PTPN14: variants seen among roughly 807,000 people sequenced by gnomAD.
PTPN14 encodes tyrosine-protein phosphatase non-receptor type 14.
PTPN14 carries 53 observed loss-of-function variants against 126.8 expected under a neutral mutation model. The observed-to-expected ratio is 0.42, with a 90% confidence interval of 0.34 to 0.53. PTPN14 has a LOEUF of 0.53. Ranked by LOEUF, PTPN14 falls within the 20% of genes least tolerant of loss-of-function variation. The probability of loss-of-function intolerance (pLI) is 0.08; values close to 1 mark genes in which losing one functional copy is unlikely to be tolerated. For synonymous variants in PTPN14, 630 were observed against 599.3 expected, an observed-to-expected ratio of 1.05 and a Z score of -0.75; for missense variants, 1,257 against 1,552.9, an observed-to-expected ratio of 0.81 and a Z score of 3.20.
chr1:214,513,142 A>G (rs1655017993), intron 1 of PTPN14, among the ~76,000 whole-genome samples: 1 of 152,226 alleles, frequency 6.6e-6, no homozygotes, highest in Admixed American at 6.5e-5. Context: ...GATAGGAAGC[A>G]GCAGAAAAAC....
rs1360439401 is a variant in PTPN14 at position 214,433,746 on chromosome 1, A to G, written c.344+18059T>C. Among the ~76,000 whole-genome samples the G allele has an allele frequency of 2.0e-5, 3 of 152,096 alleles. No individual in the cohort carries two copies. In the East Asian group the frequency reaches 5.8e-4, roughly 29 times the overall value. On this transcript the variant is annotated intron_variant, in intron 3 of 18. Transcript: ENST00000366956. ...GACTGTCTTCTGTCAGCAAGAAATC[A>G]AGAATAAAATGTGGGTAAATGGTAC...
chr1:214,364,575 C>G lies in PTPN14; in HGVS notation c.3372G>C (p.Gly1124=). ...HPPIVVHCSA[G]VGRTGVLILS... ...GAATGAGCACGCCGGTCCTTCCCAC[C>G]CCAGCACTACAGTGGACCACGATGG... Residue 1124 remains glycine, a synonymous_variant, in exon 18 of 19, where the codon GGG becomes GGC. Coordinates refer to ENST00000366956, the MANE Select transcript of PTPN14 (RefSeq NM_005401.5). This position sits in a 1 kb window ranked among gnomAD's most constrained non-coding sequence, Gnocchi z 4.1. The G allele has an allele frequency of 6.2e-7, 1 of 1,614,054 alleles. No homozygotes were observed. Among genetic ancestry groups the G allele is most frequent in the South Asian group, 1.1e-5 (1 of 91,064 alleles).
chr1:214,376,985 T>G (rs191939059), intron 14 of PTPN14, among the ~76,000 whole-genome samples: 22 of 152,350 alleles, frequency 1.4e-4, no homozygotes, highest in Admixed American at 7.8e-4. Context: ...TATTAGTACT[T>G]TATTACATTT....
intron 3 of PTPN14, among the ~76,000 whole-genome samples, chr1:214,448,111 C>T (rs1660185656): frequency 6.6e-6 from 1 of 152,176 alleles, no homozygotes; most frequent in Non-Finnish European, 1.5e-5. Flanking sequence ...CATTGACAGT[C>T]AAACAATGCA....
At chr1:214,523,742 C>CCCT (rs913375402) in intron 1 of PTPN14, among the ~76,000 whole-genome samples, 1 of 152,112 alleles carries the variant, frequency 6.6e-6, no homozygotes, top group Non-Finnish European at 1.5e-5. Context: ...GGCCTGGAGT[C>CCCT]CCTCCTCCTC....
At chr1:214,540,195 G>A (rs1655802805) in intron 1 of PTPN14, among the ~76,000 whole-genome samples, 1 of 152,052 alleles carries the variant, frequency 6.6e-6, no homozygotes, top group African/African-American at 2.4e-5. Context: ...TAAACACACA[G>A]GGAGTCTAAA....
intron 12 of PTPN14, among the ~76,000 whole-genome samples, chr1:214,386,579 A>C (rs1658615595): frequency 6.6e-6 from 1 of 152,178 alleles, no homozygotes; most frequent in East Asian, 1.9e-4. Context: ...CTCTTCTCTA[A>C]GCTCCCTTAG....
chr1:214,369,769 G>T, intron 16 of PTPN14, 78 bp from the exon 17 acceptor site: 2 of 1,319,584 alleles, frequency 1.5e-6, no homozygotes, highest in Non-Finnish European at 2.2e-6. Flanking sequence ...TATGAAGACA[G>T]AAGAAAATGC....
At chr1:214,505,633 C>T (rs184509658) in intron 1 of PTPN14, among the ~76,000 whole-genome samples, 19 of 152,336 alleles carry the variant, frequency 1.2e-4, no homozygotes, top group African/African-American at 2.4e-4. Flanking sequence ...CAGTGTCTCA[C>T]GCCTGTAACC....
At chr1:214,532,817 T>C in intron 1 of PTPN14, 1 of 902,276 alleles carries the variant, frequency 1.1e-6, no homozygotes. Flanking sequence ...CTGCTCTTCA[T>C]GAAGAACCAC....
chr1:214,540,800 T>C (rs999221202), intron 1 of PTPN14, among the ~76,000 whole-genome samples: 1 of 152,176 alleles, frequency 6.6e-6, no homozygotes. Flanking sequence ...GAGTATCTAA[T>C]ACAAATCATG....
chr1:214,476,924 C>G (rs1467599314), intron 1 of PTPN14, among the ~76,000 whole-genome samples: 3 of 152,136 alleles, frequency 2.0e-5, no homozygotes, highest in African/African-American at 7.2e-5. Context: ...CTGCAGGAAA[C>G]CCAAGGAAAC....
intron 3 of PTPN14, among the ~76,000 whole-genome samples, chr1:214,423,840 G>A (rs1445520048): frequency 2.0e-5 from 3 of 152,012 alleles, no homozygotes; most frequent in Admixed American, 6.6e-5. Flanking sequence ...AATTAGCCAG[G>A]CATGGTGGCT....
At chr1:214,469,921 A>G (rs1660716235) in intron 1 of PTPN14, among the ~76,000 whole-genome samples, 1 of 151,788 alleles carries the variant, frequency 6.6e-6, no homozygotes, top group African/African-American at 2.4e-5. Context: ...AAAAATAAAC[A>G]GAAATAAGTT....
intron 1 of PTPN14, among the ~76,000 whole-genome samples, chr1:214,542,965 GA>G (rs1362260295): frequency 1.3e-5 from 2 of 152,124 alleles, no homozygotes; most frequent in African/African-American, 4.8e-5. Flanking sequence ...CCAAGCTTGT[GA>G]TTTGGGGGGG....
intron 3 of PTPN14, among the ~76,000 whole-genome samples, chr1:214,441,015 G>A (rs1053030091): frequency 6.6e-6 from 1 of 152,106 alleles, no homozygotes; most frequent in South Asian, 2.1e-4. Context: ...GACTTTTTAT[G>A]GAACTAAACT....
intron 13 of PTPN14, among the ~76,000 whole-genome samples, chr1:214,379,108 T>A (rs1273701834): frequency 6.6e-6 from 1 of 152,168 alleles, no homozygotes; most frequent in African/African-American, 2.4e-5. Context: ...ATTAAGTGTG[T>A]CTTTGAAGTT....
intron 1 of PTPN14, among the ~76,000 whole-genome samples, chr1:214,510,980 C>G: frequency 6.6e-6 from 1 of 152,100 alleles, no homozygotes. Flanking sequence ...TGGGCTCAAG[C>G]AAGTCTCCCA....
At chr1:214,414,801 C>T in intron 3 of PTPN14, 75 bp from the exon 4 acceptor site, 1 of 1,202,828 alleles carries the variant, frequency 8.3e-7, no homozygotes, top group Non-Finnish European at 1.2e-6. Flanking sequence ...ACAGATGCCT[C>T]TAGATGTAAA....
Sources: gnomAD v4.1 joint callset for allele counts (sites outside exome capture counted in the v4.1 genomes callset) on GRCh38, gnomAD v4.1.1 for gene constraint, Gnocchi (gnomAD v3.1) non-coding constraint, MANE v1.5 for transcripts, NCBI Gene and HGNC (gene_info 2026-07-23, HGNC 2026-07-21) for gene names.